The following NMT2 variants were observed in gnomAD, a reference collection of about 807,000 sequenced individuals.
NMT2 encodes N-myristoyltransferase 2.
Under a neutral mutation model 65.4 loss-of-function variants are expected in NMT2, and 35 were observed. The observed-to-expected ratio is 0.54, with a 90% CI of 0.41 to 0.71. The LOEUF (loss-of-function observed/expected upper bound fraction) is 0.71, where lower values mean the gene tolerates loss of function less well. Among genes scored for constraint, NMT2 ranks in the 30% least tolerant of loss-of-function variants. The pLI, the probability that NMT2 is intolerant of heterozygous loss-of-function variation, is 0.00. For missense variants in NMT2, 489 were observed against 611.3 expected (o/e 0.80, Z 2.11); for synonymous variants, 226 against 231.8 (o/e 0.98, Z 0.23).
intron 8 of NMT2, among the ~76,000 whole-genome samples, chr10:15,119,766 G>C (rs533479282): frequency 7.9e-5 from 12 of 152,168 alleles, no homozygotes; most frequent in Non-Finnish European, 1.8e-4. Context: ...ACAATGTGTT[G>C]TATCTTCCTA....
chr10:15,157,406 T>C (rs1329394065), intron 1 of NMT2, among the ~76,000 whole-genome samples: 1 of 152,094 alleles, frequency 6.6e-6, no homozygotes, highest in Non-Finnish European at 1.5e-5. Context: ...AGGGCTGAAG[T>C]GGGTACCTCC....
chr10:15,135,192 T>G (rs371922510), intron 3 of NMT2, 82 bp downstream of exon 3: 86,819 of 1,247,326 alleles, frequency 0.07, 2,892 homozygotes, highest in African/African-American at 0.12. Context: ...CTCTTTGTGT[T>G]TTGTTGTTGT....
At chr10:15,121,182 T>C (rs1003263518) in intron 8 of NMT2, among the ~76,000 whole-genome samples, 1 of 152,222 alleles carries the variant, frequency 6.6e-6, no homozygotes, top group Admixed American at 6.5e-5. Context: ...ACTAGATACA[T>C]TTTAAGAGAT....
In NMT2 at chr10:15,132,897, G is replaced by C. The variant is rs1274119871; in HGVS notation, c.639C>G (p.His213Gln). The C allele has an allele frequency of 1.9e-6, 3 of 1,613,854 alleles. No individual in the cohort carries two copies. The highest frequency in any genetic ancestry group is 1.3e-5 in the African/African-American group (1 of 75,030). The change falls in exon 6 of 12, where the codon CAC (histidine) becomes CAG (glutamine). Residue 213 changes from histidine to glutamine, a missense_variant. Transcript: ENST00000378165. ...LRPPGWLLQW[H>Q]CGVRVSSNKK... ...TATTTGAAGACACTCTGACCCCACA[G>C]TGCCACTGCAGGAGCCAGCCTGGTG...
At chr10:15,134,977 C>A (rs887502707) in intron 3 of NMT2, among the ~76,000 whole-genome samples, 3 of 151,838 alleles carry the variant, frequency 2.0e-5, no homozygotes, top group South Asian at 2.1e-4. Context: ...TAGAGTGAGA[C>A]CCTATCTCAA....
At chr10:15,112,713 A>AAGAAAAC in intron 10 of NMT2, 83 bp downstream of exon 10, 1 of 1,312,300 alleles carries the variant, frequency 7.6e-7, no homozygotes, top group Non-Finnish European at 1.0e-6. Context: ...ACCTGTGTGG[A>AAGAAAAC]AGAAAACACA....
At chr10:15,144,423 A>T (rs1278458131) in intron 1 of NMT2, among the ~76,000 whole-genome samples, 1 of 152,132 alleles carries the variant, frequency 6.6e-6, no homozygotes, top group African/African-American at 2.4e-5. Flanking sequence ...ACCCATGAGG[A>T]TAATTATAAT....
intron 2 of NMT2, among the ~76,000 whole-genome samples, chr10:15,140,661 G>A (rs1447800462): frequency 1.3e-5 from 2 of 152,116 alleles, no homozygotes; most frequent in Admixed American, 1.3e-4. Flanking sequence ...GGGACTACAG[G>A]CGTGAGCCAC....
chr10:15,151,223 A>C (rs1832792093), intron 1 of NMT2, among the ~76,000 whole-genome samples: 1 of 151,914 alleles, frequency 6.6e-6, no homozygotes, highest in South Asian at 2.1e-4. Context: ...CATGCTGGCT[A>C]ATTTTGTATT....
In NMT2 at chr10:15,105,868, AGTT is replaced by A. The variant is rs1180670760; in HGVS notation, c.*3324_*3326del. Among the ~76,000 whole-genome samples the A allele has an allele frequency of 7.2e-5, 11 of 152,214 alleles. No homozygotes were observed. Among genetic ancestry groups the A allele is most frequent in the Admixed American group, 3.3e-4 (5 of 15,302 alleles). On this transcript the variant is annotated 3_prime_UTR_variant, in exon 12 of 12. Transcript: ENST00000378165. Reference sequence around the variant, plus strand: ...CTGCTTCAATTATGGAGGCAAATGTAGTTATTATTCTATTTAAAAGTGGTTAAT... The same window carrying A: ...CTGCTTCAATTATGGAGGCAAATGTAATTATTCTATTTAAAAGTGGTTAAT...
At chr10:15,149,331 A>AC (rs1847073262) in intron 1 of NMT2, among the ~76,000 whole-genome samples, 1 of 1,014 alleles carries the variant, frequency 9.9e-4, no homozygotes, top group African/African-American at 2.2e-3. Context: ...CACCACCATC[A>AC]CATCATCATC....
intron 1 of NMT2, among the ~76,000 whole-genome samples, chr10:15,148,865 C>G (rs955364176): frequency 6.6e-6 from 1 of 152,080 alleles, no homozygotes; most frequent in Non-Finnish European, 1.5e-5. Flanking sequence ...AAGCACTTGA[C>G]AAAAGAGGCA....
At chr10:15,155,078 T>C (rs763204754) in intron 1 of NMT2, 3 of 1,373,310 alleles carry the variant, frequency 2.2e-6, no homozygotes, top group Non-Finnish European at 3.1e-6. Flanking sequence ...CATCATCAAA[T>C]TTCTCCCTGT....
chr10:15,120,424 C>T (rs1046327497), intron 8 of NMT2, among the ~76,000 whole-genome samples: 1 of 152,180 alleles, frequency 6.6e-6, no homozygotes, highest in Non-Finnish European at 1.5e-5. Context: ...CGCCACTGCA[C>T]TCAAGCCTGG....
chr10:15,166,486 A>C (rs1317235227), intron 1 of NMT2, among the ~76,000 whole-genome samples: 1 of 152,252 alleles, frequency 6.6e-6, no homozygotes, highest in African/African-American at 2.4e-5. Context: ...TCATCAGTAC[A>C]TGAGCCAAAT....
Position 15,135,418 on chromosome 10 carries a change from T to C in NMT2, c.247A>G (p.Asn83Asp), listed in dbSNP as rs780764354. The C allele has an allele frequency of 1.2e-6, 2 of 1,613,784 alleles. No individual in the cohort carries two copies. Among genetic ancestry groups the C allele is most frequent in the Non-Finnish European group, 1.7e-6 (2 of 1,179,830 alleles). ...AACTTCTGCATTGGAACACTGGGAT[T>C]CTACGACAGCAAAGACAGACACAGA... ...QEIKIQQPSK[N>D]PSVPMQKLQD... The change falls in exon 3 of 12, where the codon AAT becomes GAT. Residue 83 changes from asparagine (N) to aspartate (D), a missense_variant and splice_region_variant. Physicochemically the swap from Asn to Asp is conservative, Grantham distance 23. Coordinates refer to ENST00000378165, the MANE Select transcript of NMT2 (RefSeq NM_004808.3).
chr10:15,153,130 G>A (rs933340275), intron 1 of NMT2, among the ~76,000 whole-genome samples: 1 of 152,012 alleles, frequency 6.6e-6, no homozygotes, highest in Admixed American at 6.6e-5. Flanking sequence ...CCCACACACC[G>A]CCTTTTTAAA....
intron 2 of NMT2, among the ~76,000 whole-genome samples, chr10:15,137,634 G>A (rs1846560402): frequency 1.3e-5 from 2 of 152,140 alleles, no homozygotes; most frequent in Non-Finnish European, 2.9e-5. Flanking sequence ...CATCAGTTTA[G>A]CTTAAAATGG....
intron 1 of NMT2, among the ~76,000 whole-genome samples, chr10:15,151,330 T>C (rs1287288613): frequency 6.6e-6 from 1 of 152,170 alleles, no homozygotes; most frequent in African/African-American, 2.4e-5. Context: ...GTGCTAGGAT[T>C]GTAGGTGTGA....
Sources: allele counts gnomAD v4.1 joint callset (sites outside exome capture counted in the v4.1 genomes callset), GRCh38; gene constraint gnomAD v4.1.1; transcripts MANE v1.5; gene names NCBI Gene and HGNC (gene_info 2026-07-23, HGNC 2026-07-21).